The following ADAMTSL3 variants were observed in gnomAD, a reference collection of about 807,000 sequenced individuals.
ADAMTSL3 encodes the protein ADAMTS-like protein 3.
ADAMTSL3 carries 128 observed loss-of-function variants against 201.7 expected under a neutral mutation model. The ratio of observed to expected loss-of-function variants is 0.63; its 90% confidence interval spans 0.55 to 0.73. The LOEUF is 0.73. ADAMTSL3 is among the 30% of genes least tolerant of loss of function. ADAMTSL3 has a pLI of 0.00. For synonymous variants in ADAMTSL3, 738 were observed against 748.4 expected (o/e 0.99, Z 0.23); for missense variants, 1,990 against 2,119.6 (o/e 0.94, Z 1.20).
intron 23 of ADAMTSL3, among the ~76,000 whole-genome samples, chr15:83,995,312 A>C (rs1352921750): frequency 6.6e-6 from 1 of 152,232 alleles, no homozygotes; most frequent in Non-Finnish European, 1.5e-5. Flanking sequence ...AGATGTAGAC[A>C]AAGCATCTGA....
rs2067449597 is a variant in ADAMTSL3 at position 83,985,026 on chromosome 15, A to G, written c.3716+1682A>G. On this transcript the variant is annotated intron_variant, in intron 21 of 29. Coordinates refer to ENST00000286744, the MANE Select transcript of ADAMTSL3 (RefSeq NM_207517.3). ...TGTGCAATCTGAAACTATATTAATGAAATGTTGGTACTCTGTTTAATGAAA... is the reference window on the plus strand; with the variant it reads ...TGTGCAATCTGAAACTATATTAATGGAATGTTGGTACTCTGTTTAATGAAA... 2.0e-5 allele frequency among the ~76,000 whole-genome samples: 3 copies of G among 152,230 alleles called. No individual in the cohort carries two copies. In the South Asian group the frequency reaches 6.2e-4, roughly 32 times the overall value.
At chr15:83,916,465 C>G (rs757231490) in intron 16 of ADAMTSL3, among the ~76,000 whole-genome samples, 1 of 152,072 alleles carries the variant, frequency 6.6e-6, no homozygotes, top group Non-Finnish European at 1.5e-5. Context: ...ACTATAAGTA[C>G]ATGTAATAAG....
intron 3 of ADAMTSL3, among the ~76,000 whole-genome samples, chr15:83,727,264 CATTT>C (rs1458212766): frequency 6.6e-6 from 1 of 151,408 alleles, no homozygotes; most frequent in Non-Finnish European, 1.5e-5. Flanking sequence ...TCTCTGATTT[CATTT>C]GAGTCTTTTC....
chr15:83,863,682 C>A (rs2064914625), intron 8 of ADAMTSL3, among the ~76,000 whole-genome samples: 1 of 152,128 alleles, frequency 6.6e-6, no homozygotes, highest in Admixed American at 6.5e-5. Flanking sequence ...AAAATTGACA[C>A]CCTCACATCA....
At chr15:83,687,573 C>T (rs1301582182) in intron 2 of ADAMTSL3, among the ~76,000 whole-genome samples, 1 of 152,108 alleles carries the variant, frequency 6.6e-6, no homozygotes, top group Non-Finnish European at 1.5e-5. Context: ...CATCCTCTGT[C>T]CTCTTTTGCT....
intron 8 of ADAMTSL3, among the ~76,000 whole-genome samples, chr15:83,864,949 A>G (rs1328213343): frequency 6.6e-6 from 1 of 152,242 alleles, no homozygotes. Context: ...AAAAATCACA[A>G]GCATTCTTAT....
chr15:83,941,014 T>C (rs1364601323), intron 17 of ADAMTSL3, among the ~76,000 whole-genome samples: 1 of 152,064 alleles, frequency 6.6e-6, no homozygotes, highest in African/African-American at 2.4e-5. Context: ...TATATTCTTA[T>C]TAATGTCTGC....
At chr15:83,713,121 C>T (rs1047914695) in intron 3 of ADAMTSL3, among the ~76,000 whole-genome samples, 3 of 152,166 alleles carry the variant, frequency 2.0e-5, no homozygotes, top group African/African-American at 7.2e-5. Context: ...TTTCCTGGCC[C>T]ACTAGCCTAG....
intron 3 of ADAMTSL3, among the ~76,000 whole-genome samples, chr15:83,751,979 C>T (rs955233604): frequency 1.3e-5 from 2 of 152,106 alleles, no homozygotes; most frequent in Admixed American, 6.6e-5. Context: ...ACAACCTATG[C>T]CCTAAAGAGG....
chr15:83,665,520 A>G (rs1396544022), intron 2 of ADAMTSL3, among the ~76,000 whole-genome samples: 1 of 152,182 alleles, frequency 6.6e-6, no homozygotes, highest in Non-Finnish European at 1.5e-5. Context: ...AAGAGGAAAA[A>G]ACCAATTACA....
chr15:83,832,183 T>C (rs1292430778), intron 6 of ADAMTSL3, among the ~76,000 whole-genome samples: 2 of 152,120 alleles, frequency 1.3e-5, no homozygotes, highest in African/African-American at 2.4e-5. Context: ...TTTTTTTGCC[T>C]GCAGTCAACA....
intron 17 of ADAMTSL3, among the ~76,000 whole-genome samples, chr15:83,940,059 C>T (rs2066528894): frequency 6.6e-6 from 1 of 151,946 alleles, no homozygotes; most frequent in Middle Eastern, 3.2e-3. Context: ...TTATTATTGT[C>T]AAACTTTTTT....
In ADAMTSL3 at chr15:84,014,614, A is replaced by G. The variant is rs774444772; in HGVS notation, c.4046A>G (p.Asn1349Ser). Residue 1349 changes from asparagine to serine, a missense_variant, in exon 24 of 30, where the codon AAT becomes AGT. Physicochemically the swap from Asn to Ser is conservative, Grantham distance 46. Transcript: ENST00000286744. ...SLSGNVSLLFNGSLLLQNVSL... is the reference protein window; with the variant it reads ...SLSGNVSLLFSGSLLLQNVSL... ...AGTGGCAATGTTTCCTTGCTTTTCA[A>G]TGGATCCCTGTTGTTGCAGAATGTT... 9.9e-6 allele frequency: 16 copies of G among 1,613,880 alleles called. No individual in the cohort carries two copies. The highest frequency in any genetic ancestry group is 1.3e-5 in the Non-Finnish European group (15 of 1,179,968).
chr15:83,694,125 A>C (rs1380230617), intron 2 of ADAMTSL3, among the ~76,000 whole-genome samples: 1 of 152,178 alleles, frequency 6.6e-6, no homozygotes, highest in Non-Finnish European at 1.5e-5. Flanking sequence ...TCAACACGGA[A>C]TTCCTGTCAG....
At chr15:83,918,520 G>T (rs1596404643) in intron 16 of ADAMTSL3, among the ~76,000 whole-genome samples, 1 of 152,178 alleles carries the variant, frequency 6.6e-6, no homozygotes, top group Non-Finnish European at 1.5e-5. Flanking sequence ...AGGGGGTTTG[G>T]AGGGGGTGGC....
intron 4 of ADAMTSL3, among the ~76,000 whole-genome samples, chr15:83,792,412 A>G (rs769687449): frequency 1.3e-5 from 2 of 152,246 alleles, no homozygotes; most frequent in African/African-American, 4.8e-5. Context: ...ATGCAGAGAA[A>G]AGGGAACCCT....
intron 19 of ADAMTSL3, among the ~76,000 whole-genome samples, chr15:83,968,155 A>G (rs2067124241): frequency 6.6e-6 from 1 of 152,236 alleles, no homozygotes; most frequent in African/African-American, 2.4e-5. Flanking sequence ...ACCAAAAACA[A>G]TGGCAACAAA....
At chr15:83,693,381 T>C (rs1213571316) in intron 2 of ADAMTSL3, among the ~76,000 whole-genome samples, 1 of 152,126 alleles carries the variant, frequency 6.6e-6, no homozygotes, top group African/African-American at 2.4e-5. Flanking sequence ...GCAGCCATGC[T>C]CGGGCCTGGC....
At chr15:84,019,964 C>T (rs2068167624) in intron 25 of ADAMTSL3, among the ~76,000 whole-genome samples, 1 of 147,552 alleles carries the variant, frequency 6.8e-6, no homozygotes, top group Non-Finnish European at 1.5e-5. Flanking sequence ...ATAAGTAAAA[C>T]TAATGTATAC....
Sources: allele counts gnomAD v4.1 joint callset (sites outside exome capture counted in the v4.1 genomes callset), GRCh38; gene constraint gnomAD v4.1.1; transcripts MANE v1.5; gene names NCBI Gene and HGNC (gene_info 2026-07-23, HGNC 2026-07-21).